SUGP1: variants seen among roughly 807,000 people sequenced by gnomAD.
SUGP1 encodes the protein SURP and G-patch domain-containing protein 1.
In SUGP1, 34 loss-of-function variants were observed where a neutral mutation model predicts 76.5. That is an observed-to-expected ratio of 0.44 (90% CI 0.34 to 0.59). The LOEUF is 0.59. SUGP1 is among the 20% of genes least tolerant of loss of function. The probability of loss-of-function intolerance (pLI) is 0.01; values close to 1 mark genes in which losing one functional copy is unlikely to be tolerated. For missense variants in SUGP1, 752 were observed against 851.7 expected (o/e 0.88, Z 1.46); for synonymous variants, 326 against 326.2 (o/e 1.00, Z 0.01).
Position 19,276,555 on chromosome 19 carries a change from G to A in SUGP1, c.*93C>T, listed in dbSNP as rs1191937746. 42 of 1,513,228 alleles carry A rather than the reference G, an allele frequency of 2.8e-5. No homozygotes were observed. The highest frequency in any genetic ancestry group is 9.0e-5 in the East Asian group (4 of 44,342). 93.7% of individuals were successfully genotyped at this position (1,513,228 alleles called of 1,614,324 possible). A position where few individuals can be genotyped will look rare whatever the true frequency, so the allele number is the denominator to read the frequency against. On this transcript the variant is annotated 3_prime_UTR_variant, in exon 14 of 14. Transcript: ENST00000247001. The stretch of plus-strand genomic sequence containing the variant: ...GACTTTATTACACGGCACGGCACTC[G>A]TGACAACGGAAGGGGTGGGCAGAAA...
At chr19:19,304,536 T>C (rs890132274) in intron 4 of SUGP1, among the ~76,000 whole-genome samples, 2 of 152,202 alleles carry the variant, frequency 1.3e-5, no homozygotes, top group Non-Finnish European at 2.9e-5. Flanking sequence ...TTAATCATTA[T>C]TTCGGGGCCT....
chr19:19,277,035 C>G lies in SUGP1; in HGVS notation c.1823G>C (p.Arg608Pro). ...GTCCTCCTTGGAGAGCTCCGCCGGC[C>G]GGTCAATGCCGAAGCCAGCGCCGTC... is the stretch of plus-strand genomic sequence containing the variant. The part of the protein sequence containing the change: ...TVDGAGFGID[R>P]PAELSKEDDE... Residue 608 changes from arginine (R) to proline (P), a missense_variant, in exon 13 of 14, where the codon CGG (arginine) becomes CCG (proline). Transcript: ENST00000247001. 1.9e-6 allele frequency: 3 copies of G among 1,612,526 alleles called. No homozygotes were observed. Among genetic ancestry groups the G allele is most frequent in the Non-Finnish European group, 2.5e-6 (3 of 1,179,894 alleles).
chr19:19,312,513 C>T (rs1244587099), intron 2 of SUGP1, among the ~76,000 whole-genome samples: 1 of 152,130 alleles, frequency 6.6e-6, no homozygotes, highest in Non-Finnish European at 1.5e-5. Flanking sequence ...CTCATGGAGT[C>T]CACAGGGCTA....
intron 1 of SUGP1, 48 bp from the exon 2 acceptor site, chr19:19,316,641 C>A: frequency 6.2e-7 from 1 of 1,602,652 alleles, no homozygotes; most frequent in Non-Finnish European, 8.5e-7. Flanking sequence ...ACTCCACAAA[C>A]ACCCCAAGAA....
At chr19:19,310,394 T>A (rs142664575) in intron 2 of SUGP1, among the ~76,000 whole-genome samples, 194 bp from the exon 3 acceptor site, 1 of 152,328 alleles carries the variant, frequency 6.6e-6, no homozygotes, top group African/African-American at 2.4e-5. Flanking sequence ...CACAGCAGGC[T>A]TCAGTACGGT....
intron 12 of SUGP1, 95 bp from the exon 13 acceptor site, chr19:19,277,171 T>TGCAGG: frequency 7.9e-7 from 1 of 1,266,996 alleles, no homozygotes; most frequent in South Asian, 1.3e-5. Flanking sequence ...CTCCCGCGGG[T>TGCAGG]GCAGGGCTGG....
chr19:19,286,774 C>A (rs564388273), intron 8 of SUGP1, among the ~76,000 whole-genome samples: 3 of 152,042 alleles, frequency 2.0e-5, no homozygotes, highest in Admixed American at 2.0e-4. Context: ...CCAGGCGCAG[C>A]GGGTCATGCC....
At chr19:19,283,747 T>A (rs2061118524) in intron 8 of SUGP1, among the ~76,000 whole-genome samples, 1 of 151,640 alleles carries the variant, frequency 6.6e-6, no homozygotes, top group Admixed American at 6.6e-5. Flanking sequence ...AGCCACCACG[T>A]CCGGCCAATT....
In SUGP1 at chr19:19,318,113, C is replaced by CTTTTCTTTTT. The variant is rs55849619; in HGVS notation, c.35-1521_35-1520insAAAAAGAAAA. Among the ~76,000 whole-genome samples, 184 of 97,668 alleles carry CTTTTCTTTTT rather than the reference C, an allele frequency of 1.9e-3. 17 individuals are homozygous for CTTTTCTTTTT. The highest frequency in any genetic ancestry group is 4.2e-3 in the African/African-American group (95 of 22,826). The allele number at this position is 97,668 out of a possible 152,430, so 64.1% of individuals were successfully genotyped here. ...GGCGTGAGCCACCGAACCCAGCCTT[C>CTTTTCTTTTT]TTTTTTTTTTTTTTTTTTTTTGAGA... On this transcript the variant is annotated intron_variant, in intron 1 of 13. Coordinates refer to ENST00000247001, the MANE Select transcript of SUGP1 (RefSeq NM_172231.4).
At chr19:19,298,775 G>A (rs868037781) in intron 7 of SUGP1, among the ~76,000 whole-genome samples, 1 of 152,240 alleles carries the variant, frequency 6.6e-6, no homozygotes, top group Non-Finnish European at 1.5e-5. Context: ...GGTGAGTTCA[G>A]ACATGGATTT....
intron 8 of SUGP1, among the ~76,000 whole-genome samples, chr19:19,295,422 G>A (rs1322540516): frequency 6.6e-6 from 1 of 151,694 alleles, no homozygotes; most frequent in Non-Finnish European, 1.5e-5. Context: ...GGCTAACATG[G>A]TGAAACCCCC....
At chr19:19,283,245 T>C (rs1429746636) in intron 8 of SUGP1, among the ~76,000 whole-genome samples, 2 of 152,154 alleles carry the variant, frequency 1.3e-5, no homozygotes, top group Admixed American at 1.3e-4. Context: ...AAGAGAAATG[T>C]AAACAAATGT....
intron 7 of SUGP1, among the ~76,000 whole-genome samples, chr19:19,299,786 AT>A (rs912043743): frequency 5.6e-5 from 8 of 143,904 alleles, no homozygotes; most frequent in South Asian, 2.2e-4. Context: ...CCAGCTTTTC[AT>A]TTTTTTTTTG....
In SUGP1 at chr19:19,278,581, G is replaced by A. The variant is rs917303661; in HGVS notation, c.1635+109C>T. On this transcript the variant is annotated intron_variant, in intron 11 of 13. Coordinates refer to ENST00000247001, the MANE Select transcript of SUGP1 (RefSeq NM_172231.4). ...CCTGCAGCGAAAAGGCCTGGCTCCT[G>A]CTGTGATCGAGAGGGTAGCCAGGCT... 1.4e-4 allele frequency: 129 copies of A among 915,186 alleles called. No homozygotes were observed. In the East Asian group the frequency reaches 3.1e-3, roughly 22 times the overall value. 56.7% of individuals were successfully genotyped at this position (915,186 alleles called of 1,614,324 possible).
chr19:19,297,068 C>G lies in SUGP1; in HGVS notation c.1164G>C (p.Gly388=). Residue 388 remains glycine, a synonymous_variant, in exon 8 of 14, where the codon GGG becomes GGC. Coordinates refer to ENST00000247001, the MANE Select transcript of SUGP1 (RefSeq NM_172231.4). The part of the protein sequence containing the change: ...TVKRKRKSRW[G]PEEDKVELPP... ...GGAGCTCTACCTTATCCTCTTCAGG[C>G]CCCCACCGGCTCTTCCGCTTCCTCT... 1.2e-6 allele frequency: 2 copies of G among 1,613,302 alleles called. No homozygotes were observed. Among genetic ancestry groups the G allele is most frequent in the Non-Finnish European group, 1.7e-6 (2 of 1,179,930 alleles).
chr19:19,305,886 G>A lies in SUGP1; in HGVS notation c.501C>T (p.Asp167=), dbSNP rs111898225. The change falls in exon 4 of 14, where the codon GAC becomes GAT. Residue 167 remains aspartate (D), a synonymous_variant. Transcript: ENST00000247001. ...GCCACTGCTCATAGTCCTCCTCCTC[G>A]TCCTCGTCAGGGGACTGGAAGACAC... ...RPSVFQSPDE[D]EEEDYEQWLE... 1.1e-3 allele frequency: 1,768 copies of A among 1,612,972 alleles called. 16 individuals carry two copies. The African/African-American group carries it at 0.02, about 19-fold the overall frequency.
chr19:19,282,411 C>T (rs890926488), intron 8 of SUGP1, among the ~76,000 whole-genome samples: 3 of 147,904 alleles, frequency 2.0e-5, no homozygotes, highest in Admixed American at 6.7e-5. Context: ...CTAGCCTAGG[C>T]AACATAGTAA....
intron 8 of SUGP1, among the ~76,000 whole-genome samples, chr19:19,293,957 G>A (rs1655118280): frequency 6.6e-6 from 1 of 152,134 alleles, no homozygotes; most frequent in Non-Finnish European, 1.5e-5. Flanking sequence ...GGCCAAGGTG[G>A]CAAGATTGTT....
At chr19:19,288,793 T>C (rs2061160541) in intron 8 of SUGP1, among the ~76,000 whole-genome samples, 1 of 152,078 alleles carries the variant, frequency 6.6e-6, no homozygotes, top group Non-Finnish European at 1.5e-5. Flanking sequence ...TCTTTTTTTT[T>C]CTTTTTTTGT....
Sources: allele counts gnomAD v4.1 joint callset (sites outside exome capture counted in the v4.1 genomes callset), GRCh38; gene constraint gnomAD v4.1.1; transcripts MANE v1.5; gene names NCBI Gene and HGNC (gene_info 2026-07-23, HGNC 2026-07-21).